Variants in PMF1 observed in about 807,000 individuals in gnomAD.
The protein encoded by PMF1 is polyamine modulated factor 1.
In PMF1, 21 loss-of-function variants were observed where a neutral mutation model predicts 26.7. That is an observed-to-expected ratio of 0.79 (90% CI 0.56 to 1.13). The LOEUF (loss-of-function observed/expected upper bound fraction) is 1.13. PMF1 is among the 50% of genes most tolerant of loss of function. The pLI, the probability that PMF1 is intolerant of heterozygous loss-of-function variation, is 0.00. For missense variants in PMF1, 266 were observed against 254.9 expected (o/e 1.04, Z -0.30); for synonymous variants, 105 against 101.0 (o/e 1.04, Z -0.24).
chr1:156,234,215 G>A (rs1255736427), intron 3 of PMF1, among the ~76,000 whole-genome samples: 3 of 152,170 alleles, frequency 2.0e-5, no homozygotes, highest in South Asian at 2.1e-4. Flanking sequence ...CTGTTGTACC[G>A]CATAGTTCCC....
chr1:156,233,781 CT>C (rs57899002), intron 3 of PMF1, 53 bp downstream of exon 3: 180,580 of 1,209,438 alleles, frequency 0.15, 91 homozygotes, highest in East Asian at 0.16. Context: ...AGCAATTAAG[CT>C]TTTTTTTTTT....
intron 1 of PMF1, chr1:156,223,541 C>T (rs1177974068): frequency 1.3e-5 from 2 of 152,260 alleles, no homozygotes; most frequent in Non-Finnish European, 2.9e-5. Context: ...GATAATAGAA[C>T]CCCGCCTCAC....
intron 1 of PMF1, among the ~76,000 whole-genome samples, chr1:156,221,926 A>G (rs539150005): frequency 3.3e-5 from 5 of 152,076 alleles, no homozygotes; most frequent in African/African-American, 9.6e-5. Flanking sequence ...CCTTGCTGAC[A>G]CTGTCTGAGT....
intron 1 of PMF1, among the ~76,000 whole-genome samples, chr1:156,226,513 C>G (rs1050650870): frequency 1.3e-5 from 2 of 152,222 alleles, no homozygotes; most frequent in Non-Finnish European, 2.9e-5. Flanking sequence ...GAGGAGACTT[C>G]CCAGCTCTGG....
chr1:156,232,359 G>A lies in PMF1; in HGVS notation c.201G>A (p.Gln67=). 6.2e-7 allele frequency: 1 copy of A among 1,614,046 alleles called. No individual in the cohort carries two copies. Among genetic ancestry groups the A allele is most frequent in the Non-Finnish European group, 8.5e-7 (1 of 1,179,910 alleles). ...RFTDCYKCFY[Q]LQPAMTQQIY... ...CTGACTGCTATAAGTGCTTCTACCAGTTGCAGCCTGCGATGACACAGCAAA... is the reference window on the plus strand; with the variant it reads ...CTGACTGCTATAAGTGCTTCTACCAATTGCAGCCTGCGATGACACAGCAAA... Residue 67 remains glutamine, a synonymous_variant, in exon 2 of 5, where the codon CAG becomes CAA. Coordinates refer to ENST00000368277, the MANE Select transcript of PMF1 (RefSeq NM_007221.4).
At chr1:156,216,579 TCTCTCGCGCGTCCGAGCGTCCCGA>T (rs1657720309) in intron 1 of PMF1, among the ~76,000 whole-genome samples, 1 of 151,692 alleles carries the variant, frequency 6.6e-6, no homozygotes, top group Admixed American at 6.6e-5. Context: ...GGCCTGCTGA[TCTCTCGCGCGTCCGAGCGTCCCGA>T]CTCCCGGTGC....
At chr1:156,234,139 G>A (rs1467446936) in intron 3 of PMF1, among the ~76,000 whole-genome samples, 3 of 152,210 alleles carry the variant, frequency 2.0e-5, no homozygotes, top group Non-Finnish European at 4.4e-5. Flanking sequence ...TGGGCTTGTT[G>A]CCCCTGAGAG....
chr1:156,228,943 G>C (rs1057451431), intron 1 of PMF1, among the ~76,000 whole-genome samples: 1 of 152,014 alleles, frequency 6.6e-6, no homozygotes, highest in Non-Finnish European at 1.5e-5. Context: ...GAGTCTTGCT[G>C]TGTCGCCCAG....
intron 1 of PMF1, among the ~76,000 whole-genome samples, chr1:156,224,372 C>A (rs1432140101): frequency 1.3e-5 from 2 of 152,228 alleles, no homozygotes; most frequent in African/African-American, 4.8e-5. Context: ...CTGTACAACA[C>A]CAGAATCCTA....
chr1:156,215,065 G>C (rs957519783), intron 1 of PMF1, among the ~76,000 whole-genome samples: 3 of 147,656 alleles, frequency 2.0e-5, no homozygotes, highest in Admixed American at 6.7e-5. Flanking sequence ...TTTTAGTAGA[G>C]ACAGGGTTTC....
intron 3 of PMF1, among the ~76,000 whole-genome samples, chr1:156,235,492 A>G (rs2103128456): frequency 8.4e-6 from 1 of 119,058 alleles, no homozygotes; most frequent in South Asian, 2.7e-4. Context: ...CTCAGGCTGG[A>G]GTGCAGTGGC....
At chr1:156,237,761 T>C (rs1483860942) in intron 4 of PMF1, among the ~76,000 whole-genome samples, 1 of 151,214 alleles carries the variant, frequency 6.6e-6, no homozygotes, top group Non-Finnish European at 1.5e-5. Context: ...AAATGTTCTA[T>C]TTCAACTTTG....
intron 1 of PMF1, among the ~76,000 whole-genome samples, chr1:156,217,916 TTC>T (rs796233329): frequency 1.7e-4 from 26 of 152,354 alleles, no homozygotes; most frequent in African/African-American, 5.8e-4. Context: ...GTGCTAGAAT[TTC>T]TCTGAGACAT....
intron 1 of PMF1, among the ~76,000 whole-genome samples, chr1:156,220,233 G>T (rs1658008354): frequency 6.6e-6 from 1 of 151,754 alleles, no homozygotes; most frequent in South Asian, 2.1e-4. Flanking sequence ...CAAAGTGCTG[G>T]GATTACAGGC....
At chr1:156,218,807 CAG>C (rs769544284) in intron 1 of PMF1, among the ~76,000 whole-genome samples, 1 of 151,956 alleles carries the variant, frequency 6.6e-6, no homozygotes, top group Non-Finnish European at 1.5e-5. Context: ...AACAAAAAAA[CAG>C]ATATTGCCTA....
At chr1:156,236,211 G>A (rs1029826274) in intron 3 of PMF1, 77 bp from the exon 4 acceptor site, 59 of 1,540,584 alleles carry the variant, frequency 3.8e-5, no homozygotes, top group Non-Finnish European at 4.5e-5. Context: ...GTCACCGAGT[G>A]TGGGCTTGGA....
intron 1 of PMF1, among the ~76,000 whole-genome samples, chr1:156,216,710 C>T (rs1366725680): frequency 3.3e-5 from 5 of 151,790 alleles, no homozygotes; most frequent in African/African-American, 7.3e-5. Flanking sequence ...GCGCCCGGGG[C>T]GGCCGCGACA....
chr1:156,214,266 C>T (rs1186785604), intron 1 of PMF1, among the ~76,000 whole-genome samples: 1 of 152,142 alleles, frequency 6.6e-6, no homozygotes, highest in African/African-American at 2.4e-5. Flanking sequence ...GATCCCACCA[C>T]CCCAGCACAT....
chr1:156,237,316 A>G (rs1052631387), intron 4 of PMF1: 5 of 152,084 alleles, frequency 3.3e-5, no homozygotes, highest in Non-Finnish European at 5.9e-5. Flanking sequence ...ACCTAACTGT[A>G]TGTTTATGCC....
Sources: gnomAD v4.1 joint callset for allele counts (sites outside exome capture counted in the v4.1 genomes callset) on GRCh38, gnomAD v4.1.1 for gene constraint, MANE v1.5 for transcripts, NCBI Gene and HGNC (gene_info 2026-07-23, HGNC 2026-07-21) for gene names.